Variants in SMOC2 observed in about 807,000 individuals in gnomAD.
The protein encoded by SMOC2 is SPARC-related modular calcium-binding protein 2.
A neutral mutation model predicts 61.4 loss-of-function variants in SMOC2; 39 were observed. The ratio of observed to expected loss-of-function variants is 0.64; its 90% confidence interval spans 0.49 to 0.83. The LOEUF (loss-of-function observed/expected upper bound fraction) is 0.83, where lower values mean the gene tolerates loss of function less well. SMOC2 is among the 40% of genes least tolerant of loss of function. The pLI is 0.00. For synonymous variants in SMOC2, 247 were observed against 239.9 expected, an observed-to-expected ratio of 1.03 and a Z score of -0.27; for missense variants, 556 against 592.9, an observed-to-expected ratio of 0.94 and a Z score of 0.65.
intron 1 of SMOC2, among the ~76,000 whole-genome samples, chr6:168,442,860 G>A (rs1375428470): frequency 6.6e-6 from 1 of 152,216 alleles, no homozygotes; most frequent in African/African-American, 2.4e-5. Context: ...ATTAGAAACT[G>A]CTAACTGGGG....
intron 9 of SMOC2, among the ~76,000 whole-genome samples, chr6:168,637,984 G>A (rs1398637780): frequency 8.0e-6 from 1 of 125,500 alleles, no homozygotes; most frequent in Non-Finnish European, 1.7e-5. Context: ...CCCCGCCCCT[G>A]CCCCACCCTG....
intron 9 of SMOC2, among the ~76,000 whole-genome samples, chr6:168,636,437 G>A (rs190850746): frequency 6.6e-6 from 1 of 152,312 alleles, no homozygotes; most frequent in African/African-American, 2.4e-5. Context: ...CTGATAATAT[G>A]TGTTGGTTGT....
At chr6:168,558,958 T>C (rs58514552) in intron 7 of SMOC2, among the ~76,000 whole-genome samples, 2,130 of 151,508 alleles carry the variant, frequency 0.014, 48 homozygotes, top group African/African-American at 0.047. Flanking sequence ...CGTGTGCATG[T>C]GTGTGTACGT....
chr6:168,514,802 G>T (rs1412341113), intron 2 of SMOC2, among the ~76,000 whole-genome samples: 1 of 152,164 alleles, frequency 6.6e-6, no homozygotes, highest in Non-Finnish European at 1.5e-5. Flanking sequence ...CCATTGAAAG[G>T]CCGCGAAGAA....
intron 11 of SMOC2, among the ~76,000 whole-genome samples, chr6:168,663,864 G>C (rs1411308408): frequency 2.0e-5 from 3 of 152,134 alleles, no homozygotes; most frequent in Non-Finnish European, 2.9e-5. Flanking sequence ...AGAAGCTTGA[G>C]AATTGGAGGA....
At chr6:168,652,190 TTGCAAACTAAACTAAA>T (rs1157146604) in intron 10 of SMOC2, among the ~76,000 whole-genome samples, 1 of 152,184 alleles carries the variant, frequency 6.6e-6, no homozygotes, top group Non-Finnish European at 1.5e-5. Context: ...CTAAACTAAA[TTGCAAACTAAACTAAA>T]TGCAAACTAA....
At chr6:168,449,083 G>A (rs960083323) in intron 1 of SMOC2, among the ~76,000 whole-genome samples, 2 of 151,916 alleles carry the variant, frequency 1.3e-5, no homozygotes, top group African/African-American at 4.8e-5. Flanking sequence ...GTGGCCCATC[G>A]CCCATCTTCA....
intron 8 of SMOC2, among the ~76,000 whole-genome samples, chr6:168,601,430 G>T (rs1030303723): frequency 2.6e-5 from 4 of 152,236 alleles, no homozygotes; most frequent in African/African-American, 9.6e-5. Context: ...ATGGGGGATT[G>T]GTTCAAACCC....
chr6:168,487,077 C>G (rs537945260), intron 1 of SMOC2, among the ~76,000 whole-genome samples: 1 of 152,308 alleles, frequency 6.6e-6, no homozygotes, highest in African/African-American at 2.4e-5. Context: ...GGCTCCTCTC[C>G]CAGCCTCTCC....
chr6:168,458,632 C>T (rs546337443), intron 1 of SMOC2, among the ~76,000 whole-genome samples: 13 of 152,238 alleles, frequency 8.5e-5, no homozygotes, highest in African/African-American at 3.1e-4. Context: ...AACGAAGGCT[C>T]CCAGGGTCCT....
intron 1 of SMOC2, among the ~76,000 whole-genome samples, chr6:168,476,910 G>A (rs984875497): frequency 1.3e-5 from 2 of 152,166 alleles, no homozygotes; most frequent in African/African-American, 2.4e-5. Context: ...CTTGGAGCAC[G>A]TCACTCCTTC....
chr6:168,458,538 G>A (rs1388695444), intron 1 of SMOC2, among the ~76,000 whole-genome samples: 1 of 152,200 alleles, frequency 6.6e-6, no homozygotes, highest in Non-Finnish European at 1.5e-5. Flanking sequence ...GCAGTATTTT[G>A]AGTTGTGTGT....
rs1393193733 is a variant in SMOC2 at position 168,525,303 on chromosome 6, T to G, written c.257-1043T>G. On this transcript the variant is annotated intron_variant, in intron 2 of 12. Transcript: ENST00000356284. ...ACAAGCCTTTTCCCCCTGGGGGCACTGAAAGATGGGCCTGGTTGATGCTGG... is the reference window on the plus strand; with the variant it reads ...ACAAGCCTTTTCCCCCTGGGGGCACGGAAAGATGGGCCTGGTTGATGCTGG... Among the ~76,000 whole-genome samples the G allele has an allele frequency of 7.2e-5, 11 of 152,252 alleles. No homozygotes were observed. The East Asian group carries it at 1.7e-3, about 24-fold the overall frequency.
At chr6:168,589,695 G>A in intron 7 of SMOC2, among the ~76,000 whole-genome samples, 1 of 144,688 alleles carries the variant, frequency 6.9e-6, no homozygotes, top group Non-Finnish European at 1.5e-5. Flanking sequence ...CCGGCCTGGT[G>A]GTGGTCAGGT....
intron 11 of SMOC2, among the ~76,000 whole-genome samples, chr6:168,655,934 C>T (rs190064273): frequency 3.7e-4 from 56 of 150,640 alleles, no homozygotes; most frequent in African/African-American, 1.2e-3. Flanking sequence ...TCCCACTGCG[C>T]GTGTGTGCTG....
chr6:168,591,886 A>G (rs1490173553), intron 7 of SMOC2, among the ~76,000 whole-genome samples: 1 of 152,182 alleles, frequency 6.6e-6, no homozygotes, highest in African/African-American at 2.4e-5. Flanking sequence ...GGATTTTGTA[A>G]TCATTCATTA....
chr6:168,661,140 T>G (rs1256153857), intron 11 of SMOC2, among the ~76,000 whole-genome samples: 1 of 152,124 alleles, frequency 6.6e-6, no homozygotes, highest in Non-Finnish European at 1.5e-5. Flanking sequence ...CTTAAAAAAA[T>G]TCATTATCAG....
At position 168,595,011 on chromosome 6, in the gene SMOC2, GC is replaced by G. The variant is rs1562369057; in HGVS notation, c.638-3805del. On this transcript the variant is annotated intron_variant, in intron 7 of 12. Coordinates refer to ENST00000356284, the MANE Select transcript of SMOC2 (RefSeq NM_001166412.2). ...CTCACGGGCATCTTTCTAGAGGATC[GC>G]CGAGCTCCTCCTCCTTCCTGAGGCC... 1.6e-3 allele frequency among the ~76,000 whole-genome samples: 60 copies of G among 36,522 alleles called. 6 individuals carry two copies. The highest frequency in any genetic ancestry group is 5.1e-3 in the African/African-American group (59 of 11,604). 24.0% of individuals were successfully genotyped at this position (36,522 alleles called of 152,430 possible). A position where few individuals can be genotyped will look rare whatever the true frequency, so the allele number is the denominator to read the frequency against.
In SMOC2 at chr6:168,499,969, G is replaced by A. The variant is rs141827143; in HGVS notation, c.85-9946G>A. On this transcript the variant is annotated intron_variant, in intron 1 of 12. Transcript: ENST00000356284. ...AAGTGTTTAGAACAATGCCTGGCCC[G>A]GGTGCTCAGTGTTCAAGCTGTGAGC... is the stretch of plus-strand genomic sequence containing the variant. Among the ~76,000 whole-genome samples, 308 of 152,314 alleles carry A rather than the reference G, an allele frequency of 2.0e-3. 1 individual carries two copies. The highest frequency in any genetic ancestry group is 7.0e-3 in the African/African-American group (290 of 41,570).
Sources: gnomAD v4.1 joint callset for allele counts (sites outside exome capture counted in the v4.1 genomes callset) on GRCh38, gnomAD v4.1.1 for gene constraint, MANE v1.5 for transcripts, NCBI Gene and HGNC (gene_info 2026-07-23, HGNC 2026-07-21) for gene names.